HSD17B2: variants seen among roughly 807,000 people sequenced by gnomAD.
HSD17B2 encodes the protein 17-beta-hydroxysteroid dehydrogenase type 2.
In HSD17B2, 32 loss-of-function variants were observed where a neutral mutation model predicts 26.9. The ratio of observed to expected loss-of-function variants is 1.19; its 90% CI spans 0.90 to 1.60. The LOEUF is 1.60. Ranked by LOEUF, HSD17B2 falls within the 40% of genes most tolerant of loss-of-function variation. HSD17B2 has a pLI of 0.00. For missense variants in HSD17B2, 613 were observed against 468.6 expected, an observed-to-expected ratio of 1.31 and a Z score of -2.85; for synonymous variants, 246 against 186.7, an observed-to-expected ratio of 1.32 and a Z score of -2.59.
chr16:82,044,012 C>G (rs1397754293), intron 1 of HSD17B2, among the ~76,000 whole-genome samples: 1 of 152,196 alleles, frequency 6.6e-6, no homozygotes, highest in Non-Finnish European at 1.5e-5. Context: ...ATATCAGAGT[C>G]AAATCTTCTT....
At chr16:82,057,204 CTT>C (rs34353182) in intron 1 of HSD17B2, among the ~76,000 whole-genome samples, 16 of 143,800 alleles carry the variant, frequency 1.1e-4, no homozygotes, top group Admixed American at 1.4e-4. Context: ...CTTTTCTTTT[CTT>C]TTTTTTTTTT....
intron 1 of HSD17B2, among the ~76,000 whole-genome samples, chr16:82,046,335 G>A (rs115324935): frequency 5.8e-4 from 89 of 152,228 alleles, no homozygotes; most frequent in African/African-American, 2.1e-3. Flanking sequence ...GAGCCACCTT[G>A]TATCAGAGGC....
rs1039739302 is a variant in HSD17B2 at position 82,064,378 on chromosome 16, G to A, written c.266-3792G>A. 2.0e-5 allele frequency among the ~76,000 whole-genome samples: 3 copies of A among 151,942 alleles called. No homozygotes were observed. The East Asian group carries it at 5.8e-4, about 29-fold the overall frequency. On this transcript the variant is annotated intron_variant, in intron 1 of 4. Coordinates refer to ENST00000199936, the MANE Select transcript of HSD17B2 (RefSeq NM_002153.3). ...ATGGCTTAATAATATCTCACTGTTG[G>A]GTATACCATATTTTTTATCCATTCA... is the stretch of plus-strand genomic sequence containing the variant.
At position 82,068,371 on chromosome 16, in the gene HSD17B2, T is replaced by C; in HGVS notation, c.467T>C (p.Leu156Pro). ...KDAYSKVAAM[L>P]QDRGLWAVIN... ...GCTTACAGCAAGGTTGCAGCAATGC[T>C]GCAGGACAGAGGTACTGCCGCCAGC... Residue 156 changes from leucine to proline, a missense_variant, in exon 2 of 5, where the codon CTG becomes CCG. Leu to Pro is a moderately conservative substitution (Grantham distance 98, BLOSUM62 -3). Transcript: ENST00000199936. 6.2e-7 allele frequency: 1 copy of C among 1,611,766 alleles called. No individual in the cohort carries two copies. The highest frequency in any genetic ancestry group is 1.7e-5 in the Admixed American group (1 of 59,794).
At chr16:82,039,915 A>G (rs560770934) in intron 1 of HSD17B2, among the ~76,000 whole-genome samples, 1 of 152,200 alleles carries the variant, frequency 6.6e-6, no homozygotes, top group Non-Finnish European at 1.5e-5. Flanking sequence ...GATCCCAGGC[A>G]GACACAGGTC....
chr16:82,054,193 C>T (rs1466340348), intron 1 of HSD17B2, among the ~76,000 whole-genome samples: 2 of 148,088 alleles, frequency 1.4e-5, no homozygotes, highest in African/African-American at 5.0e-5. Context: ...ATCACTTAAC[C>T]TTAACCCACA....
chr16:82,039,033 A>G (rs1913695857), intron 1 of HSD17B2, among the ~76,000 whole-genome samples: 1 of 152,086 alleles, frequency 6.6e-6, no homozygotes, highest in Admixed American at 6.5e-5. Context: ...TGGCTGGCAA[A>G]GTGGGTTCTG....
chr16:82,080,428 C>G (rs1298710702), intron 3 of HSD17B2, among the ~76,000 whole-genome samples: 2 of 152,074 alleles, frequency 1.3e-5, no homozygotes, highest in Admixed American at 6.5e-5. Flanking sequence ...AAGATGGTAC[C>G]TAGGTGGCTT....
intron 1 of HSD17B2, among the ~76,000 whole-genome samples, chr16:82,053,888 A>G (rs1311651061): frequency 6.6e-6 from 1 of 152,206 alleles, no homozygotes; most frequent in Non-Finnish European, 1.5e-5. Context: ...AGAATGCATA[A>G]CCATAGATAG....
At chr16:82,040,289 G>A (rs1020539260) in intron 1 of HSD17B2, among the ~76,000 whole-genome samples, 1 of 152,146 alleles carries the variant, frequency 6.6e-6, no homozygotes, top group South Asian at 2.1e-4. Context: ...GGACTCCTTT[G>A]GATTTCACGT....
At chr16:82,087,211 A>C (rs1904552780) in intron 3 of HSD17B2, among the ~76,000 whole-genome samples, 1 of 152,248 alleles carries the variant, frequency 6.6e-6, no homozygotes, top group Non-Finnish European at 1.5e-5. Context: ...TAGATCTGCT[A>C]TACAACATTG....
intron 1 of HSD17B2, among the ~76,000 whole-genome samples, chr16:82,055,824 C>A (rs1914249583): frequency 6.6e-6 from 1 of 152,114 alleles, no homozygotes; most frequent in Non-Finnish European, 1.5e-5. Context: ...TAACACAATG[C>A]TCTGGTGTGA....
In HSD17B2 at chr16:82,057,419, G is replaced by A. The variant is rs146417492; in HGVS notation, c.266-10751G>A. Among the ~76,000 whole-genome samples, 1,334 of 152,208 alleles carry A rather than the reference G, an allele frequency of 8.8e-3. 12 individuals carry two copies. Among genetic ancestry groups the A allele is most frequent in the Middle Eastern group, 0.024 (7 of 294 alleles). On this transcript the variant is annotated intron_variant, in intron 1 of 4. Transcript: ENST00000199936. ...TCACCATGTTGGCCAGGATGCTCTC[G>A]ATTTCCTGACCTCGTGATCCACCCG...
Position 82,070,994 on chromosome 16 carries a change from G to A in HSD17B2, c.531G>A (p.Gly177=), listed in dbSNP as rs760035512. ...GGGTGCTTGGCTTTCCAACTGATGG[G>A]GAGCTTCTTCTTATGACTGACTACA... ...NAGVLGFPTD[G]ELLLMTDYKQ... Residue 177 remains glycine (G), a synonymous_variant, in exon 3 of 5, where the codon GGG becomes GGA. Coordinates refer to ENST00000199936, the MANE Select transcript of HSD17B2 (RefSeq NM_002153.3). The A allele has an allele frequency of 1.2e-6, 2 of 1,614,222 alleles. No individual in the cohort carries two copies. Among genetic ancestry groups the A allele is most frequent in the Non-Finnish European group, 8.5e-7 (1 of 1,180,026 alleles).
intron 1 of HSD17B2, among the ~76,000 whole-genome samples, chr16:82,050,844 T>C (rs1167957463): frequency 6.6e-6 from 1 of 152,186 alleles, no homozygotes; most frequent in African/African-American, 2.4e-5. Context: ...CTTGGCACTA[T>C]TGACATTTGG....
intron 3 of HSD17B2, among the ~76,000 whole-genome samples, chr16:82,074,878 T>C (rs1372029675): frequency 6.6e-6 from 1 of 152,196 alleles, no homozygotes; most frequent in African/African-American, 2.4e-5. Flanking sequence ...GAACACTTCA[T>C]CCAAAGGCTG....
chr16:82,090,541 AC>A (rs1904661625), intron 3 of HSD17B2, among the ~76,000 whole-genome samples: 1 of 150,988 alleles, frequency 6.6e-6, no homozygotes, highest in Non-Finnish European at 1.5e-5. Flanking sequence ...TTGGTCTCAA[AC>A]TCCTGACCTC....
At chr16:82,037,159 G>A (rs1913646268) in intron 1 of HSD17B2, among the ~76,000 whole-genome samples, 1 of 152,196 alleles carries the variant, frequency 6.6e-6, no homozygotes, top group African/African-American at 2.4e-5. Flanking sequence ...TCAAGCTCAA[G>A]GACTAATCCC....
At chr16:82,061,743 G>A (rs1914444479) in intron 1 of HSD17B2, among the ~76,000 whole-genome samples, 2 of 152,226 alleles carry the variant, frequency 1.3e-5, no homozygotes, top group Non-Finnish European at 2.9e-5. Context: ...AATATGGTGA[G>A]ATTATGGAGA....
Sources: gnomAD v4.1 joint callset for allele counts (sites outside exome capture counted in the v4.1 genomes callset) on GRCh38, gnomAD v4.1.1 for gene constraint, MANE v1.5 for transcripts, NCBI Gene and HGNC (gene_info 2026-07-23, HGNC 2026-07-21) for gene names.